CTNNA3: variants seen among roughly 807,000 people sequenced by gnomAD.
CTNNA3 encodes catenin alpha-3.
CTNNA3 carries 76 observed loss-of-function variants against 95.7 expected under a neutral mutation model. The observed-to-expected ratio is 0.79, with a 90% CI of 0.66 to 0.96. The LOEUF (loss-of-function observed/expected upper bound fraction) is 0.96. Ranked by LOEUF, CTNNA3 falls within the 40% of genes least tolerant of loss-of-function variation. CTNNA3 has a pLI of 0.00. For missense variants in CTNNA3, 1,191 were observed against 1,089.8 expected (o/e 1.09, Z -1.31); for synonymous variants, 431 against 374.4 (o/e 1.15, Z -1.74).
At chr10:66,466,232 T>G (rs947332318) in intron 11 of CTNNA3, among the ~76,000 whole-genome samples, 10 of 151,848 alleles carry the variant, frequency 6.6e-5, no homozygotes, top group African/African-American at 2.4e-4. Context: ...CTACCCTGCA[T>G]ATTCTGGGCT....
At chr10:66,084,693 T>A (rs1393746536) in intron 14 of CTNNA3, among the ~76,000 whole-genome samples, 1 of 152,202 alleles carries the variant, frequency 6.6e-6, no homozygotes, top group East Asian at 1.9e-4. Context: ...TAAAGATTCA[T>A]TTAATAAATC....
chr10:67,248,754 A>G (rs896782094), intron 5 of CTNNA3, among the ~76,000 whole-genome samples: 2 of 152,196 alleles, frequency 1.3e-5, no homozygotes, highest in African/African-American at 4.8e-5. Context: ...CATGCAAAAG[A>G]AAAAAGCTGG....
intron 7 of CTNNA3, among the ~76,000 whole-genome samples, chr10:67,053,564 C>T (rs543667566): frequency 6.6e-6 from 1 of 152,290 alleles, no homozygotes; most frequent in African/African-American, 2.4e-5. Context: ...TTATCTATCA[C>T]ACAAACAGCA....
chr10:67,285,786 CA>C (rs1839575167), intron 5 of CTNNA3, among the ~76,000 whole-genome samples: 1 of 152,062 alleles, frequency 6.6e-6, no homozygotes, highest in African/African-American at 2.4e-5. Flanking sequence ...TTCCTACAGG[CA>C]GGAAATGTGT....
chr10:66,253,191 G>A (rs929660725), intron 13 of CTNNA3, among the ~76,000 whole-genome samples: 9 of 152,178 alleles, frequency 5.9e-5, no homozygotes, highest in East Asian at 1.9e-4. Context: ...CTCCTGACAG[G>A]AGCAATCCAT....
intron 10 of CTNNA3, among the ~76,000 whole-genome samples, chr10:66,579,231 A>AATC (rs1843106857): frequency 1.3e-5 from 2 of 151,506 alleles, no homozygotes; most frequent in Non-Finnish European, 3.0e-5. Context: ...TCCTTTTATT[A>AATC]ATCTAGTTAT....
chr10:66,017,464 C>A (rs1029515123), intron 15 of CTNNA3, among the ~76,000 whole-genome samples: 2 of 152,114 alleles, frequency 1.3e-5, no homozygotes, highest in African/African-American at 4.8e-5. Context: ...TCCATGAATT[C>A]TTTATTTATA....
intron 7 of CTNNA3, among the ~76,000 whole-genome samples, chr10:67,162,749 T>A (rs1861604390): frequency 6.6e-6 from 1 of 151,698 alleles, no homozygotes; most frequent in Admixed American, 6.6e-5. Context: ...ATGTTAAAAT[T>A]CTAGAAAAAT....
At chr10:66,384,374 A>G (rs185044951) in intron 11 of CTNNA3, among the ~76,000 whole-genome samples, 30 of 152,326 alleles carry the variant, frequency 2.0e-4, no homozygotes, top group Admixed American at 5.2e-4. Context: ...TGGTAAAGGG[A>G]TCAATTCAAC....
intron 11 of CTNNA3, among the ~76,000 whole-genome samples, chr10:66,513,411 A>G (rs997058375): frequency 3.9e-5 from 6 of 152,118 alleles, no homozygotes; most frequent in African/African-American, 9.7e-5. Flanking sequence ...CTTATGCTCT[A>G]GTTGTTCCTG....
At chr10:66,424,213 G>T (rs899728772) in intron 11 of CTNNA3, among the ~76,000 whole-genome samples, 1 of 151,554 alleles carries the variant, frequency 6.6e-6, no homozygotes, top group Non-Finnish European at 1.5e-5. Context: ...AAATTATTCA[G>T]TCCTGCAAGG....
intron 7 of CTNNA3, among the ~76,000 whole-genome samples, chr10:66,797,979 G>T (rs1841277614): frequency 6.6e-6 from 1 of 151,754 alleles, no homozygotes; most frequent in Non-Finnish European, 1.5e-5. Flanking sequence ...TATGCATCCA[G>T]ATTGGCCTTT....
intron 5 of CTNNA3, among the ~76,000 whole-genome samples, chr10:67,339,953 ATTAT>A (rs1842121952): frequency 6.6e-6 from 1 of 152,206 alleles, no homozygotes; most frequent in South Asian, 2.1e-4. Flanking sequence ...TGAGATGTGT[ATTAT>A]TTATCTCCAA....
intron 5 of CTNNA3, among the ~76,000 whole-genome samples, chr10:67,510,100 T>C (rs989990319): frequency 1.3e-5 from 2 of 152,222 alleles, no homozygotes; most frequent in Non-Finnish European, 2.9e-5. Context: ...CTTTGTTAGA[T>C]GGGTAGATTG....
intron 9 of CTNNA3, 96 bp downstream of exon 9, chr10:66,766,168 G>T: frequency 1.6e-6 from 2 of 1,280,444 alleles, no homozygotes; most frequent in South Asian, 1.4e-5. Flanking sequence ...GTAACACGGT[G>T]TCAAAAGTTT....
At chr10:67,323,664 G>C (rs1841419251) in intron 5 of CTNNA3, among the ~76,000 whole-genome samples, 1 of 152,112 alleles carries the variant, frequency 6.6e-6, no homozygotes, top group Non-Finnish European at 1.5e-5. Flanking sequence ...TTCCAGCTTT[G>C]TTCTTTCTGC....
intron 7 of CTNNA3, among the ~76,000 whole-genome samples, chr10:66,792,491 C>A (rs760401480): frequency 2.6e-5 from 4 of 152,098 alleles, no homozygotes; most frequent in Non-Finnish European, 4.4e-5. Context: ...GTGGTACTCA[C>A]ACAGCAGGTA....
intron 13 of CTNNA3, among the ~76,000 whole-genome samples, chr10:66,147,608 G>GTTTTTTTTTTTTTTTTTTTTTTTTTTT (rs34193216): frequency 9.5e-6 from 1 of 105,766 alleles, no homozygotes; most frequent in Non-Finnish European, 1.9e-5. Context: ...GTTGCTTTCA[G>GTTTTTTTTTTTTTTTTTTTTTTTTTTT]TTTTTTTTTT....
chr10:66,113,491 A>C lies in CTNNA3; in HGVS notation c.1885-10242T>G, dbSNP rs530995694. 2.8e-4 allele frequency among the ~76,000 whole-genome samples: 43 copies of C among 152,290 alleles called. No homozygotes were observed. The South Asian group carries it at 7.7e-3, about 27-fold the overall frequency. On this transcript the variant is annotated intron_variant, in intron 13 of 17. Transcript: ENST00000433211. ...CAACATAAGGCTGGAACTATGGTAG[A>C]ACATAATATCTAGGATTGACTATCC...
Sources: gnomAD v4.1 joint callset for allele counts (sites outside exome capture counted in the v4.1 genomes callset) on GRCh38, gnomAD v4.1.1 for gene constraint, MANE v1.5 for transcripts, NCBI Gene and HGNC (gene_info 2026-07-23, HGNC 2026-07-21) for gene names.